The following ITGA11 variants were observed in gnomAD, a reference collection of about 807,000 sequenced individuals.
ITGA11 encodes integrin subunit alpha 11.
In ITGA11, 97 loss-of-function variants were observed where a neutral mutation model predicts 141.9. That is an observed-to-expected ratio of 0.68 (90% confidence interval 0.58 to 0.81). ITGA11 has a LOEUF of 0.81. Ranked by LOEUF, ITGA11 falls within the 30% of genes least tolerant of loss-of-function variation. The pLI, the probability that ITGA11 is intolerant of heterozygous loss-of-function variation, is 0.00. For synonymous variants in ITGA11, 658 were observed against 624.6 expected, an observed-to-expected ratio of 1.05 and a Z score of -0.80; for missense variants, 1,387 against 1,559.2, an observed-to-expected ratio of 0.89 and a Z score of 1.86.
Position 68,328,192 on chromosome 15 carries a change from C to T in ITGA11, c.1972G>A (p.Asp658Asn). The T allele has an allele frequency of 1.2e-6, 2 of 1,613,926 alleles. No individual in the cohort carries two copies. Among genetic ancestry groups the T allele is most frequent in the Non-Finnish European group, 1.7e-6 (2 of 1,179,886 alleles). ...EPSKINIFHR[D>N]CKRSGRDATC... The stretch of plus-strand genomic sequence containing the variant: ...GCATCCCTGCCACTGCGCTTGCAGT[C>T]TCTGTGGAAGATGTTGATCTTGGAT... The change falls in exon 16 of 30, where the codon GAC becomes AAC. Residue 658 changes from aspartate to asparagine, a missense_variant. Transcript: ENST00000315757. The surrounding 1 kb of genome is among the most constrained non-coding windows in gnomAD (Gnocchi z 4.8).
At chr15:68,390,026 A>G (rs1896077813) in intron 2 of ITGA11, among the ~76,000 whole-genome samples, 1 of 152,210 alleles carries the variant, frequency 6.6e-6, no homozygotes, top group Admixed American at 6.5e-5. Context: ...TTCTCTGAAA[A>G]TACACAAGGG....
intron 2 of ITGA11, among the ~76,000 whole-genome samples, chr15:68,379,163 A>G (rs1361745680): frequency 6.6e-6 from 1 of 152,138 alleles, no homozygotes; most frequent in Non-Finnish European, 1.5e-5. Context: ...CCGTTTCTCA[A>G]CATTGCCTGC....
chr15:68,369,301 G>T lies in ITGA11; in HGVS notation c.165-17C>A, dbSNP rs1296406347. On this transcript the variant is annotated splice_polypyrimidine_tract_variant and intron_variant, in intron 2 of 29. Coordinates refer to ENST00000315757, the MANE Select transcript of ITGA11 (RefSeq NM_001004439.2). ...ACGACCAGCCTGGGAAGGAAGAGAAGATGAGCAAAGACATTGGGGGAGGTA... is the reference window on the plus strand; with the variant it reads ...ACGACCAGCCTGGGAAGGAAGAGAATATGAGCAAAGACATTGGGGGAGGTA... 6.6e-7 allele frequency: 1 copy of T among 1,525,242 alleles called. No homozygotes were observed. Among genetic ancestry groups the T allele is most frequent in the Non-Finnish European group, 8.9e-7 (1 of 1,119,720 alleles). 94.5% of individuals were successfully genotyped at this position (1,525,242 alleles called of 1,614,324 possible).
intron 23 of ITGA11, 23 bp downstream of exon 23, chr15:68,313,756 G>T (rs1415137559): frequency 6.2e-7 from 1 of 1,602,646 alleles, no homozygotes. Context: ...TCCCTCTCCT[G>T]GGGCCCCCGG....
intron 2 of ITGA11, 39 bp from the exon 3 acceptor site, chr15:68,369,323 G>T: frequency 7.7e-7 from 1 of 1,292,582 alleles, no homozygotes. Context: ...CATTGGGGGA[G>T]GTACTCTTTC....
intron 2 of ITGA11, among the ~76,000 whole-genome samples, chr15:68,394,678 T>C (rs778027071): frequency 4.3e-4 from 65 of 152,142 alleles, no homozygotes; most frequent in Admixed American, 1.2e-3. Context: ...AAAATTAATA[T>C]GCCCATAGCA....
chr15:68,332,865 T>C (rs905573800), intron 12 of ITGA11, among the ~76,000 whole-genome samples: 1 of 124,616 alleles, frequency 8.0e-6, no homozygotes, highest in African/African-American at 4.8e-5. Context: ...TTATTCTAGT[T>C]TTTTTCCCCT....
At chr15:68,387,752 C>G (rs1233341463) in intron 2 of ITGA11, among the ~76,000 whole-genome samples, 2 of 152,162 alleles carry the variant, frequency 1.3e-5, no homozygotes, top group Non-Finnish European at 2.9e-5. Flanking sequence ...GCACTCCTGG[C>G]TGCTGCTTTC....
chr15:68,403,720 C>G (rs1896568495), intron 1 of ITGA11, among the ~76,000 whole-genome samples: 1 of 152,012 alleles, frequency 6.6e-6, no homozygotes. Context: ...CTGCAACTTC[C>G]TCCTTTCAGG....
At position 68,332,400 on chromosome 15, in the gene ITGA11, C is replaced by A. The variant is rs763407027; in HGVS notation, c.1504G>T (p.Ala502Ser). 2 of 1,610,040 alleles carry A rather than the reference C, an allele frequency of 1.2e-6. No individual in the cohort carries two copies. The highest frequency in any genetic ancestry group is 2.2e-5 in the East Asian group (1 of 44,766). ...CGGCCCTCGTTGAAGTACATGGGTG[C>A]GCCCACCAGCAGGACATCAGTCACG... is the stretch of plus-strand genomic sequence containing the variant. ...DGVTDVLLVG[A>S]PMYFNEGRER... is the part of the protein sequence containing the mutation. The change falls in exon 13 of 30, where the codon GCA (alanine) becomes TCA (serine). Residue 502 changes from alanine to serine, a missense_variant. Transcript: ENST00000315757.
intron 26 of ITGA11, among the ~76,000 whole-genome samples, chr15:68,310,053 AG>A (rs1893330271): frequency 1.3e-5 from 2 of 152,236 alleles, no homozygotes; most frequent in African/African-American, 4.8e-5. Context: ...TCATGTGTGA[AG>A]CCTAGGGCAA....
Position 68,328,350 on chromosome 15 carries a change from A to T in ITGA11, c.1902-88T>A. On this transcript the variant is annotated intron_variant, in intron 15 of 29. Transcript: ENST00000315757. The surrounding 1 kb of genome is among the most constrained non-coding windows in gnomAD (Gnocchi z 4.8). ...TGGGGAAAGACAAGAACCAGATGCG[A>T]GTGGGATCTGCAAAGCCACTGGAGG... 1 of 1,117,080 alleles carries T rather than the reference A, an allele frequency of 9.0e-7. No homozygotes were observed. The highest frequency in any genetic ancestry group is 1.2e-6 in the Non-Finnish European group (1 of 810,442). 69.2% of individuals were successfully genotyped at this position (1,117,080 alleles called of 1,614,324 possible).
chr15:68,303,774 T>TCCTGGCA lies in ITGA11; in HGVS notation c.3492_3493insTGCCAGG (p.Lys1165CysfsTer8). 6.2e-7 allele frequency: 1 copy of TCCTGGCA among 1,605,820 alleles called. No homozygotes were observed. The highest frequency in any genetic ancestry group is 8.5e-7 in the Non-Finnish European group (1 of 1,174,132). ...CCCTCCCCTGCCAGGGCCCTCACCT[T>TCCTGGCA]CCACAGTGCCAGGACCAGCAGGGCC... On this transcript the variant is annotated frameshift_variant, in exon 29 of 30. Transcript: ENST00000315757. LOFTEE classifies it high-confidence loss of function. This position sits in a 1 kb window ranked among gnomAD's most constrained non-coding sequence, Gnocchi z 5.3.
At chr15:68,357,537 G>A (rs557003466) in intron 6 of ITGA11, among the ~76,000 whole-genome samples, 46 of 152,296 alleles carry the variant, frequency 3.0e-4, no homozygotes, top group African/African-American at 1.1e-3. Context: ...TGGAGACTTC[G>A]TGATTGAAAG....
chr15:68,431,961 A>T, intron 1 of ITGA11, 54 bp downstream of exon 1: 1 of 1,201,146 alleles, frequency 8.3e-7, no homozygotes, highest in South Asian at 3.3e-5. Context: ...CCAAGCCCCG[A>T]GGGCCCAGGG....
chr15:68,410,430 G>A (rs16952015), intron 1 of ITGA11, among the ~76,000 whole-genome samples: 1,779 of 152,228 alleles, frequency 0.012, 45 homozygotes, highest in African/African-American at 0.04. Flanking sequence ...GAATCTTCAC[G>A]TCTAAAAGCA....
intron 1 of ITGA11, among the ~76,000 whole-genome samples, chr15:68,422,519 G>A (rs578246995): frequency 5.3e-5 from 8 of 152,148 alleles, no homozygotes; most frequent in Non-Finnish European, 1.2e-4. Flanking sequence ...GCTCCCCATC[G>A]TAGCCCTGCT....
At position 68,326,627 on chromosome 15, in the gene ITGA11, G is replaced by T; in HGVS notation, c.2211+27C>A. ...GATGCTCCTTCCTATAGGAGCTTGG[G>T]CTCTGCTGGTGGGGCTGCCAGCTTA... On this transcript the variant is annotated intron_variant, in intron 17 of 29. Coordinates refer to ENST00000315757, the MANE Select transcript of ITGA11 (RefSeq NM_001004439.2). This position sits in a 1 kb window ranked among gnomAD's most constrained non-coding sequence, Gnocchi z 6.8. The T allele has an allele frequency of 6.4e-7, 1 of 1,572,166 alleles. No individual in the cohort carries two copies. The highest frequency in any genetic ancestry group is 8.6e-7 in the Non-Finnish European group (1 of 1,158,406).
chr15:68,346,648 C>A (rs1433445199), intron 10 of ITGA11, among the ~76,000 whole-genome samples: 1 of 152,212 alleles, frequency 6.6e-6, no homozygotes, highest in African/African-American at 2.4e-5. Context: ...GACCTCTGAG[C>A]TGTGCCAGGA....
Sources: gnomAD v4.1 joint callset for allele counts (sites outside exome capture counted in the v4.1 genomes callset) on GRCh38, gnomAD v4.1.1 for gene constraint, Gnocchi (gnomAD v3.1) non-coding constraint, MANE v1.5 for transcripts, NCBI Gene and HGNC (gene_info 2026-07-23, HGNC 2026-07-21) for gene names.